Variants in PRIM2 observed in about 807,000 individuals in gnomAD.
PRIM2 encodes DNA primase large subunit.
PRIM2 carries 39 observed loss-of-function variants against 67.3 expected under a neutral mutation model. That is an observed-to-expected ratio of 0.58 (90% CI 0.45 to 0.76). The LOEUF (loss-of-function observed/expected upper bound fraction) is 0.76. Among genes scored for constraint, PRIM2 ranks in the 30% least tolerant of loss-of-function variants. The pLI is 0.00. For synonymous variants in PRIM2, 143 were observed against 198.7 expected, an observed-to-expected ratio of 0.72 and a Z score of 2.36; for missense variants, 398 against 598.7, an observed-to-expected ratio of 0.66 and a Z score of 3.50.
intron 10 of PRIM2, among the ~76,000 whole-genome samples, chr6:57,584,213 A>G (rs1776150504): frequency 6.6e-6 from 1 of 152,242 alleles, no homozygotes; most frequent in Admixed American, 6.5e-5. Context: ...TAGCCCTCAA[A>G]TCTTGTTTTC....
intron 7 of PRIM2, among the ~76,000 whole-genome samples, chr6:57,401,875 G>C (rs1272034347): frequency 6.6e-6 from 1 of 152,134 alleles, no homozygotes; most frequent in Non-Finnish European, 1.5e-5. Flanking sequence ...GCAGCTTGTT[G>C]GAGGTATGGA....
intron 7 of PRIM2, among the ~76,000 whole-genome samples, chr6:57,405,576 C>T (rs1171853287): frequency 1.6e-4 from 21 of 134,488 alleles, no homozygotes; most frequent in Non-Finnish European, 3.2e-5. Context: ...AATTACCCAG[C>T]TCTGGATTTT....
At chr6:57,299,182 GGTTT>G in the PRIM2 span, among the ~76,000 whole-genome samples, 1 of 151,728 alleles carries the variant, frequency 6.6e-6, no homozygotes, top group East Asian at 1.9e-4. Context: ...GAAATGCTAA[GGTTT>G]ATTTGGGGCT....
At chr6:57,489,292 T>C (rs1259658277) in intron 7 of PRIM2, among the ~76,000 whole-genome samples, 5 of 152,230 alleles carry the variant, frequency 3.3e-5, no homozygotes, top group Non-Finnish European at 4.4e-5. Flanking sequence ...TGCAGTGGCT[T>C]ACGCCTGTAA....
At chr6:57,454,731 A>C (rs1772697381) in intron 7 of PRIM2, among the ~76,000 whole-genome samples, 3 of 151,754 alleles carry the variant, frequency 2.0e-5, no homozygotes, top group East Asian at 1.9e-4. Context: ...TTTTCAAAAA[A>C]CCAGCTCCTG....
chr6:57,637,494 G>A (rs1416072941), intron 13 of PRIM2, among the ~76,000 whole-genome samples: 4,715 of 152,158 alleles, frequency 0.031, 224 homozygotes, highest in African/African-American at 0.11. Context: ...CCAATGCAAG[G>A]AAGCTAAGAA....
the PRIM2 span, among the ~76,000 whole-genome samples, chr6:57,256,921 T>C: frequency 0.23 from 35,727 of 152,158 alleles, 5,927 homozygotes; most frequent in African/African-American, 0.47. Flanking sequence ...TTTTGTTCAA[T>C]TCCATTTTAG....
chr6:57,560,616 A>G (rs1248613755), intron 10 of PRIM2, among the ~76,000 whole-genome samples: 14 of 149,334 alleles, frequency 9.4e-5, no homozygotes, highest in African/African-American at 3.5e-4. Flanking sequence ...TTGGAAGTCA[A>G]TATTATTCCT....
At chr6:57,637,239 A>G (rs1399568727) in intron 13 of PRIM2, among the ~76,000 whole-genome samples, 42 of 152,230 alleles carry the variant, frequency 2.8e-4, no homozygotes, top group Non-Finnish European at 4.7e-4. Flanking sequence ...TCCACTCAGA[A>G]ACCCCATGCA....
At chr6:57,223,474 T>A in the PRIM2 span, among the ~76,000 whole-genome samples, 1 of 152,206 alleles carries the variant, frequency 6.6e-6, no homozygotes, top group Non-Finnish European at 1.5e-5. Flanking sequence ...AATTCACACT[T>A]AATAATTTTA....
At chr6:57,564,671 T>A (rs1215941807) in intron 10 of PRIM2, among the ~76,000 whole-genome samples, 1 of 152,198 alleles carries the variant, frequency 6.6e-6, no homozygotes, top group East Asian at 1.9e-4. Context: ...ATTTTGTGGA[T>A]GGTTTTGTTT....
At chr6:57,283,051 G>A in the PRIM2 span, among the ~76,000 whole-genome samples, 1 of 151,672 alleles carries the variant, frequency 6.6e-6, no homozygotes, top group Non-Finnish European at 1.5e-5. Flanking sequence ...CCCCTTATTG[G>A]CACAGCTATT....
At chr6:57,252,043 C>G in the PRIM2 span, among the ~76,000 whole-genome samples, 4 of 152,180 alleles carry the variant, frequency 2.6e-5, no homozygotes, top group Non-Finnish European at 4.4e-5. Context: ...ATATCTTGCC[C>G]CATTGAAGAT....
the PRIM2 span, among the ~76,000 whole-genome samples, chr6:57,307,936 A>G: frequency 6.6e-6 from 1 of 152,120 alleles, no homozygotes; most frequent in Admixed American, 6.5e-5. Context: ...GTTTTAGGTG[A>G]TGGGGTGGGA....
At chr6:57,344,149 A>T (rs571340932) in intron 5 of PRIM2, among the ~76,000 whole-genome samples, 182 of 151,670 alleles carry the variant, frequency 1.2e-3, no homozygotes, top group African/African-American at 4.2e-3. Context: ...GAATAGAGAA[A>T]TAAATTGTTT....
At chr6:57,383,522 G>A (rs572097534) in intron 7 of PRIM2, 1 of 147,550 alleles carries the variant, frequency 6.8e-6, no homozygotes, top group South Asian at 2.1e-4. Context: ...CAATGTCATT[G>A]TGGCTAAAAA....
the PRIM2 span, among the ~76,000 whole-genome samples, chr6:57,306,064 T>C: frequency 6.6e-6 from 1 of 152,220 alleles, no homozygotes; most frequent in Non-Finnish European, 1.5e-5. Context: ...GCACTCTTTT[T>C]TAGTCCTCTA....
intron 12 of PRIM2, among the ~76,000 whole-genome samples, chr6:57,615,036 C>G (rs1421386127): frequency 6.6e-6 from 1 of 152,146 alleles, no homozygotes; most frequent in Non-Finnish European, 1.5e-5. Flanking sequence ...ATTCTAAAAA[C>G]ACTTTTGTTT....
chr6:57,572,953 T>G (rs1400265262), intron 10 of PRIM2, among the ~76,000 whole-genome samples: 1 of 152,248 alleles, frequency 6.6e-6, no homozygotes, highest in Non-Finnish European at 1.5e-5. Context: ...ATTTATTTAC[T>G]TTTGTTAGAG....
Sources: gnomAD v4.1 joint callset for allele counts (sites outside exome capture counted in the v4.1 genomes callset) on GRCh38, gnomAD v4.1.1 for gene constraint, MANE v1.5 for transcripts, NCBI Gene and HGNC (gene_info 2026-07-23, HGNC 2026-07-21) for gene names.